Variants in SERINC3 observed in about 807,000 individuals in gnomAD.
The protein encoded by SERINC3 is tumor differentially expressed protein 1.
Under a neutral mutation model 52.1 loss-of-function variants are expected in SERINC3, and 22 were observed. The observed-to-expected ratio is 0.42, with a 90% CI of 0.30 to 0.60. The LOEUF (loss-of-function observed/expected upper bound fraction) is 0.60. Among genes scored for constraint, SERINC3 ranks in the 20% least tolerant of loss-of-function variants. The pLI, the probability that SERINC3 is intolerant of heterozygous loss-of-function variation, is 0.16. For missense variants in SERINC3, 564 were observed against 584.6 expected, an observed-to-expected ratio of 0.96 and a Z score of 0.36; for synonymous variants, 226 against 212.7, an observed-to-expected ratio of 1.06 and a Z score of -0.54.
chr20:44,512,759 G>C (rs936448404), intron 3 of SERINC3, 42 bp downstream of exon 3: 1 of 1,473,084 alleles, frequency 6.8e-7, no homozygotes, highest in African/African-American at 1.5e-5. Flanking sequence ...GGAAGGAAGA[G>C]CCACACCATA....
rs150863264 is a variant in SERINC3, at chr20:44,512,677, C to G, written c.395+124G>C. The G allele has an allele frequency of 4.5e-5, 32 of 709,132 alleles. No homozygotes were observed. The East Asian group carries it at 8.7e-4, about 19-fold the overall frequency. 43.9% of individuals were successfully genotyped at this position (709,132 alleles called of 1,614,324 possible). A position where few individuals can be genotyped will look rare whatever the true frequency, so the allele number is the denominator to read the frequency against. ...AAACAATTTCACATGCATAATAGAT[C>G]AGAAATGCATCTGAGCCACTCATTT... On this transcript the variant is annotated intron_variant, in intron 3 of 9. Coordinates refer to ENST00000342374, the MANE Select transcript of SERINC3 (RefSeq NM_006811.4).
intron 1 of SERINC3, among the ~76,000 whole-genome samples, chr20:44,521,498 T>C (rs1473483966): frequency 6.6e-6 from 1 of 152,128 alleles, no homozygotes; most frequent in Non-Finnish European, 1.5e-5. Flanking sequence ...CACTCTGTAG[T>C]TTTGGCAAAT....
In SERINC3 at chr20:44,521,954, T is replaced by C. The variant is rs1170553013; in HGVS notation, c.-3A>G. 27 of 1,610,370 alleles carry C rather than the reference T, an allele frequency of 1.7e-5. No individual in the cohort carries two copies. Among genetic ancestry groups the C allele is most frequent in the Non-Finnish European group, 2.3e-5 (27 of 1,178,364 alleles). On this transcript the variant is annotated 5_prime_UTR_variant, in exon 1 of 10. Transcript: ENST00000342374. ...AAGACACCCAGCACAGCCCCCATGG[T>C]GACGCCAGTGATGGAGGTGGCCGGT...
chr20:44,503,626 TG>T (rs1458691734), intron 8 of SERINC3, among the ~76,000 whole-genome samples, 188 bp downstream of exon 8: 1 of 152,212 alleles, frequency 6.6e-6, no homozygotes, highest in African/African-American at 2.4e-5. Context: ...CCAGCCTAGG[TG>T]ACAGAGCAAG....
At chr20:44,511,425 A>T (rs955203724) in intron 3 of SERINC3, 57 bp from the exon 4 acceptor site, 5 of 1,112,542 alleles carry the variant, frequency 4.5e-6, no homozygotes, top group Non-Finnish European at 6.7e-6. Flanking sequence ...TATACTGAGA[A>T]AAATTCATTT....
At chr20:44,520,821 A>G (rs1265339017) in intron 1 of SERINC3, among the ~76,000 whole-genome samples, 5 of 152,216 alleles carry the variant, frequency 3.3e-5, no homozygotes, top group Non-Finnish European at 7.3e-5. Context: ...TGTTTCCTTG[A>G]GTTTTGTGAC....
rs2064269734 is a variant in SERINC3 at position 44,500,072 on chromosome 20, C to T, written c.*224G>A. 4.5e-6 allele frequency: 2 copies of T among 439,676 alleles called. No individual in the cohort carries two copies. Among genetic ancestry groups the T allele is most frequent in the Non-Finnish European group, 7.9e-6 (2 of 254,354 alleles). The allele number at this position is 439,676 out of a possible 1,614,324, so 27.2% of individuals were successfully genotyped here. ...AGTTCACTTTAAACAAAAAATGTTC[C>T]CTTTGTGCTATATCCTTAGAAGTAA... On this transcript the variant is annotated 3_prime_UTR_variant, in exon 10 of 10. Transcript: ENST00000342374.
intron 1 of SERINC3, among the ~76,000 whole-genome samples, chr20:44,517,392 C>T (rs1320120131): frequency 6.6e-6 from 1 of 152,150 alleles, no homozygotes; most frequent in African/African-American, 2.4e-5. Context: ...AAAATGTATC[C>T]TTACTTGGTC....
chr20:44,519,640 G>A (rs965626971), intron 1 of SERINC3, among the ~76,000 whole-genome samples: 2 of 152,060 alleles, frequency 1.3e-5, no homozygotes, highest in Admixed American at 1.3e-4. Flanking sequence ...CTAAGAAATA[G>A]TGGAATGAAG....
chr20:44,501,090 G>C lies in SERINC3; in HGVS notation c.1266C>G (p.Thr422=). ...LCLASLYIMM[T]LTSWYSPDAK... is the part of the protein sequence containing the mutation. ...TCTCCTACCTGTACCAGCTGGTCAG[G>C]GTCATCATGATGTACAAGGAAGCCA... The change falls in exon 9 of 10, where the codon ACC becomes ACG. Residue 422 remains threonine (T), a synonymous_variant. Coordinates refer to ENST00000342374, the MANE Select transcript of SERINC3 (RefSeq NM_006811.4). 6.2e-7 allele frequency: 1 copy of C among 1,613,476 alleles called. No homozygotes were observed. Among genetic ancestry groups the C allele is most frequent in the Non-Finnish European group, 8.5e-7 (1 of 1,179,506 alleles).
At chr20:44,500,708 T>C (rs2064274269) in intron 9 of SERINC3, among the ~76,000 whole-genome samples, 3 of 152,230 alleles carry the variant, frequency 2.0e-5, no homozygotes, top group Non-Finnish European at 4.4e-5. Context: ...TCCTAGTTAC[T>C]GGCAAAGGTC....
rs2064272641 is a variant in SERINC3 at position 44,500,451 on chromosome 20, G to C, written c.1284-17C>G. 1.3e-6 allele frequency: 2 copies of C among 1,554,068 alleles called. No homozygotes were observed. Among genetic ancestry groups the C allele is most frequent in the Non-Finnish European group, 1.7e-6 (2 of 1,148,068 alleles). ...GCATCAGGGCTAAGAAAACAAGAGA[G>C]AGTCAGGTAGAAAAGCCTGGTCTAC... On this transcript the variant is annotated splice_polypyrimidine_tract_variant and intron_variant, in intron 9 of 9. Transcript: ENST00000342374.
chr20:44,504,461 T>G (rs1193109986), intron 7 of SERINC3, among the ~76,000 whole-genome samples: 1 of 152,226 alleles, frequency 6.6e-6, no homozygotes, highest in African/African-American at 2.4e-5. Context: ...TACAGCTGTT[T>G]CTTCTACAGC....
intron 1 of SERINC3, among the ~76,000 whole-genome samples, chr20:44,519,042 G>GCTCA (rs1227927658): frequency 2.0e-5 from 3 of 151,336 alleles, no homozygotes; most frequent in African/African-American, 7.3e-5. Context: ...ACTCCTGTGT[G>GCTCA]TACATGTCTT....
chr20:44,519,601 G>C (rs951248777), intron 1 of SERINC3, among the ~76,000 whole-genome samples: 2 of 152,032 alleles, frequency 1.3e-5, no homozygotes, highest in African/African-American at 2.4e-5. Context: ...TTTGATTTAG[G>C]ACCAACAACC....
chr20:44,516,093 G>T (rs1306365080), intron 1 of SERINC3, among the ~76,000 whole-genome samples: 1 of 152,054 alleles, frequency 6.6e-6, no homozygotes, highest in Non-Finnish European at 1.5e-5. Context: ...CACAAGGTCA[G>T]GAGTTCAAGA....
chr20:44,503,467 G>A (rs1297474687), intron 8 of SERINC3, among the ~76,000 whole-genome samples: 3 of 152,170 alleles, frequency 2.0e-5, no homozygotes, highest in African/African-American at 7.2e-5. Flanking sequence ...AGCCAACATG[G>A]TGAAACACTG....
chr20:44,501,345 C>T (rs1243720175), intron 8 of SERINC3, 45 bp from the exon 9 acceptor site: 7 of 1,490,166 alleles, frequency 4.7e-6, no homozygotes, highest in Non-Finnish European at 6.5e-6. Flanking sequence ...GGGGCCATGA[C>T]AATGAACTGC....
intron 9 of SERINC3, 41 bp downstream of exon 9, chr20:44,501,032 G>A (rs1349999672): frequency 3.5e-6 from 5 of 1,444,840 alleles, no homozygotes; most frequent in African/African-American, 1.4e-5. Flanking sequence ...GGCCATCCAA[G>A]GGTTTTATGG....
Sources: gnomAD v4.1 joint callset for allele counts (sites outside exome capture counted in the v4.1 genomes callset) on GRCh38, gnomAD v4.1.1 for gene constraint, MANE v1.5 for transcripts, NCBI Gene and HGNC (gene_info 2026-07-23, HGNC 2026-07-21) for gene names.